Variants in MMRN1 observed in about 807,000 individuals in gnomAD.
The protein encoded by MMRN1 is multimerin 1, also known as multimerin-1.
In MMRN1, 94 loss-of-function variants were observed where a neutral mutation model predicts 100.7. The ratio of observed to expected loss-of-function variants is 0.93; its 90% CI spans 0.79 to 1.11. The LOEUF is 1.11. MMRN1 is among the 50% of genes least tolerant of loss of function. The pLI is 0.00. For synonymous variants in MMRN1, 575 were observed against 505.0 expected, an observed-to-expected ratio of 1.14 and a Z score of -1.86; for missense variants, 1,606 against 1,439.1, an observed-to-expected ratio of 1.12 and a Z score of -1.88.
chr4:89,945,174 C>A (rs1407259282), intron 6 of MMRN1, among the ~76,000 whole-genome samples: 1 of 152,096 alleles, frequency 6.6e-6, no homozygotes, highest in Non-Finnish European at 1.5e-5. Context: ...CATCCATGTT[C>A]TTGCATGTAT....
chr4:89,953,462 A>G lies in MMRN1; in HGVS notation c.*44A>G. On this transcript the variant is annotated 3_prime_UTR_variant, in exon 8 of 8. Coordinates refer to ENST00000264790, the MANE Select transcript of MMRN1 (RefSeq NM_007351.3). ...CTATCACCTTTATTGAGAAACAGCC[A>G]GTGTTTTCATTTATCTTTGCTTGCA... 6.6e-7 allele frequency: 1 copy of G among 1,505,540 alleles called. No individual in the cohort carries two copies. Among genetic ancestry groups the G allele is most frequent in the Non-Finnish European group, 8.9e-7 (1 of 1,124,582 alleles). The allele number at this position is 1,505,540 out of a possible 1,614,324, so 93.3% of individuals were successfully genotyped here.
intron 6 of MMRN1, among the ~76,000 whole-genome samples, chr4:89,944,514 A>G (rs2110648218): frequency 6.6e-6 from 1 of 152,318 alleles, no homozygotes; most frequent in South Asian, 2.1e-4. Flanking sequence ...GACACTATGG[A>G]TATCTTTTAT....
chr4:89,898,608 C>T (rs1009493614), intron 1 of MMRN1, among the ~76,000 whole-genome samples: 12 of 151,592 alleles, frequency 7.9e-5, no homozygotes, highest in African/African-American at 2.7e-4. Context: ...TCCTGCCTAC[C>T]TCCCCAACCT....
At chr4:89,944,689 G>T (rs1722933819) in intron 6 of MMRN1, among the ~76,000 whole-genome samples, 1 of 152,112 alleles carries the variant, frequency 6.6e-6, no homozygotes, top group South Asian at 2.1e-4. Context: ...AAGTTAATGG[G>T]GATGGAATGG....
intron 1 of MMRN1, among the ~76,000 whole-genome samples, chr4:89,881,768 T>C (rs1720821096): frequency 6.6e-6 from 1 of 151,986 alleles, no homozygotes; most frequent in Admixed American, 6.6e-5. Context: ...TGTTGCAAGT[T>C]GTGTACTGAA....
chr4:89,899,215 T>C (rs2110583075), intron 1 of MMRN1, among the ~76,000 whole-genome samples: 1 of 152,264 alleles, frequency 6.6e-6, no homozygotes, highest in African/African-American at 2.4e-5. Context: ...TTCTTCTTTT[T>C]TTTTTTAGCC....
chr4:89,926,284 G>A (rs1722256481), intron 4 of MMRN1, among the ~76,000 whole-genome samples: 1 of 152,134 alleles, frequency 6.6e-6, no homozygotes, highest in Non-Finnish European at 1.5e-5. Context: ...ATCCTTGCCA[G>A]CATTTGTTAT....
rs907469192 is a variant in MMRN1, at chr4:89,923,520, A to G, written c.955+248A>G. 3.2e-4 allele frequency among the ~76,000 whole-genome samples: 48 copies of G among 152,228 alleles called. 1 individual carries two copies. Among genetic ancestry groups the G allele is most frequent in the Non-Finnish European group, 1.5e-5 (1 of 68,046 alleles). ...ACAGAAAGAATAAAAATGCTGTGAT[A>G]CTAGGTTGTAAGGAAACCACAGTTT... On this transcript the variant is annotated intron_variant, in intron 4 of 7. Coordinates refer to ENST00000264790, the MANE Select transcript of MMRN1 (RefSeq NM_007351.3).
rs749454895 is a variant in MMRN1, at chr4:89,936,752, C to G, written c.3072C>G (p.Val1024=). 11 of 1,609,094 alleles carry G rather than the reference C, an allele frequency of 6.8e-6. No individual in the cohort carries two copies. The Admixed American group carries it at 1.9e-4, about 27-fold the overall frequency. The part of the protein sequence containing the change: ...LKKPTVNLTT[V]LIGRTQRNTD... ...AACCAACGGTAAATCTTACCACAGT[C>G]CTGATAGGCCGGACTCAAAGAAACA... The change falls in exon 6 of 8, where the codon GTC becomes GTG. Residue 1024 remains valine (V), a synonymous_variant. Coordinates refer to ENST00000264790, the MANE Select transcript of MMRN1 (RefSeq NM_007351.3).
chr4:89,880,566 T>C (rs1720794562), intron 1 of MMRN1, among the ~76,000 whole-genome samples: 1 of 152,146 alleles, frequency 6.6e-6, no homozygotes, highest in South Asian at 2.1e-4. Flanking sequence ...AGAGTAAGAA[T>C]AACTTTGCCT....
intron 6 of MMRN1, among the ~76,000 whole-genome samples, chr4:89,941,974 A>G (rs1722843791): frequency 6.6e-6 from 1 of 152,170 alleles, no homozygotes; most frequent in Non-Finnish European, 1.5e-5. Flanking sequence ...GATGACAGCT[A>G]AAGAGCAAAT....
chr4:89,919,389 T>C (rs1304571345), intron 3 of MMRN1, among the ~76,000 whole-genome samples: 1 of 151,640 alleles, frequency 6.6e-6, no homozygotes, highest in Admixed American at 6.6e-5. Flanking sequence ...TTGCAAACGA[T>C]CTTTAACATA....
At chr4:89,945,687 A>G (rs1484313995) in intron 6 of MMRN1, among the ~76,000 whole-genome samples, 2 of 152,174 alleles carry the variant, frequency 1.3e-5, no homozygotes, top group African/African-American at 4.8e-5. Flanking sequence ...AAACAAAAAC[A>G]TTTAATTTCC....
At chr4:89,921,507 T>C (rs1722087557) in intron 3 of MMRN1, among the ~76,000 whole-genome samples, 1 of 152,174 alleles carries the variant, frequency 6.6e-6, no homozygotes, top group African/African-American at 2.4e-5. Flanking sequence ...GATTAAATGG[T>C]TGTATCTGTA....
chr4:89,941,753 G>A (rs1722836815), intron 6 of MMRN1, among the ~76,000 whole-genome samples: 4 of 152,106 alleles, frequency 2.6e-5, no homozygotes, highest in Non-Finnish European at 1.5e-5. Flanking sequence ...GGCCTACTAT[G>A]TTCACTCTTC....
At chr4:89,920,690 C>A (rs1251365825) in intron 3 of MMRN1, among the ~76,000 whole-genome samples, 1 of 151,808 alleles carries the variant, frequency 6.6e-6, no homozygotes, top group Non-Finnish European at 1.5e-5. Context: ...ATTAATATAT[C>A]TAGTATTTTC....
Position 89,905,139 on chromosome 4 carries a change from G to A in MMRN1, c.624-4137G>A, listed in dbSNP as rs995922888. 2.6e-5 allele frequency among the ~76,000 whole-genome samples: 4 copies of A among 151,630 alleles called. 1 individual carries two copies. Among genetic ancestry groups the A allele is most frequent in the Admixed American group, 2.6e-4 (4 of 15,170 alleles). ...ACTAACTTTTATATATTTAGGATAT[G>A]TTTTCCCACTTATCACTGAATTGGG... On this transcript the variant is annotated intron_variant, in intron 1 of 7. Transcript: ENST00000264790.
At chr4:89,894,358 T>G (rs995625549), upstream of MMRN1, among the ~76,000 whole-genome samples, 6 of 152,174 alleles carry the variant, frequency 3.9e-5, no homozygotes, top group Admixed American at 2.0e-4. Flanking sequence ...TATACATGTA[T>G]GTAGATAGAT....
chr4:89,932,133 T>G (rs1336522830), intron 5 of MMRN1, among the ~76,000 whole-genome samples: 1 of 152,136 alleles, frequency 6.6e-6, no homozygotes, highest in Non-Finnish European at 1.5e-5. Context: ...TGGGAGACAT[T>G]GGCCATAACA....
Sources: gnomAD v4.1 joint callset for allele counts (sites outside exome capture counted in the v4.1 genomes callset) on GRCh38, gnomAD v4.1.1 for gene constraint, MANE v1.5 for transcripts, NCBI Gene and HGNC (gene_info 2026-07-23, HGNC 2026-07-21) for gene names.